NUDT3: variants seen among roughly 807,000 people sequenced by gnomAD.
NUDT3 encodes the protein diphosphoinositol polyphosphate phosphohydrolase 1.
In NUDT3, 9 loss-of-function variants were observed where a neutral mutation model predicts 23.6. The observed-to-expected ratio is 0.38, with a 90% CI of 0.23 to 0.66. NUDT3 has a LOEUF of 0.66. NUDT3 is among the 30% of genes least tolerant of loss of function. NUDT3 has a pLI of 0.52. For missense variants in NUDT3, 172 were observed against 218.5 expected, an observed-to-expected ratio of 0.79 and a Z score of 1.34; for synonymous variants, 86 against 82.6, an observed-to-expected ratio of 1.04 and a Z score of -0.22.
At chr6:34,376,629 C>T (rs916137999) in intron 1 of NUDT3, among the ~76,000 whole-genome samples, 1 of 152,118 alleles carries the variant, frequency 6.6e-6, no homozygotes, top group African/African-American at 2.4e-5. Flanking sequence ...CCTTTGATTA[C>T]AGTGTCACTT....
At chr6:34,341,823 T>G (rs755838045) in intron 2 of NUDT3, 39 bp downstream of exon 2, 2 of 1,579,898 alleles carry the variant, frequency 1.3e-6, no homozygotes. Context: ...AGGTTCATGA[T>G]GACGAGGCAC....
At chr6:34,316,903 C>T (rs1763870021) in intron 2 of NUDT3, among the ~76,000 whole-genome samples, 1 of 152,118 alleles carries the variant, frequency 6.6e-6, no homozygotes, top group African/African-American at 2.4e-5. Flanking sequence ...ATAATTTTGC[C>T]TACTGTGTTG....
chr6:34,368,358 G>C (rs1178601422), intron 1 of NUDT3, among the ~76,000 whole-genome samples: 1 of 152,268 alleles, frequency 6.6e-6, no homozygotes. Context: ...TTACAAGCTT[G>C]AGAAGGGACC....
At chr6:34,366,158 G>GCCT (rs1561920052) in intron 1 of NUDT3, among the ~76,000 whole-genome samples, 1 of 151,054 alleles carries the variant, frequency 6.6e-6, no homozygotes, top group East Asian at 1.9e-4. Flanking sequence ...CTTGAGCCCA[G>GCCT]GAGTTCAAAA....
chr6:34,329,383 C>A (rs1764092053), intron 2 of NUDT3, among the ~76,000 whole-genome samples: 2 of 152,136 alleles, frequency 1.3e-5, no homozygotes, highest in African/African-American at 4.8e-5. Context: ...CGGGTTCAAG[C>A]GATTCTCCTG....
intron 2 of NUDT3, among the ~76,000 whole-genome samples, chr6:34,317,830 T>G (rs1260060948): frequency 6.6e-6 from 1 of 152,222 alleles, no homozygotes; most frequent in Non-Finnish European, 1.5e-5. Flanking sequence ...TGATAGTTCT[T>G]CATGGATTAC....
In NUDT3 at chr6:34,290,687, C is replaced by CT. The variant is rs1282705613; in HGVS notation, c.341-1757dup. Among the ~76,000 whole-genome samples the CT allele has an allele frequency of 2.4e-3, 356 of 147,386 alleles. 2 individuals carry two copies. The highest frequency in any genetic ancestry group is 6.6e-3 in the African/African-American group (261 of 39,694). On this transcript the variant is annotated intron_variant, in intron 4 of 4. Coordinates refer to ENST00000607016, the MANE Select transcript of NUDT3 (RefSeq NM_006703.4). ...AGTCTGGACAACAGAGTGAGACTGT[C>CT]TTTTTTTTTAAGACATTTATGGCTG...
At chr6:34,323,302 G>C (rs1763973954) in intron 2 of NUDT3, among the ~76,000 whole-genome samples, 1 of 152,140 alleles carries the variant, frequency 6.6e-6, no homozygotes, top group Non-Finnish European at 1.5e-5. Context: ...GCTGGGCACA[G>C]TGGCCCATAA....
At chr6:34,331,769 C>T (rs1053205277) in intron 2 of NUDT3, among the ~76,000 whole-genome samples, 4 of 152,144 alleles carry the variant, frequency 2.6e-5, no homozygotes, top group African/African-American at 4.8e-5. Context: ...GACTTTGTTC[C>T]CTTGTATTTC....
intron 1 of NUDT3, among the ~76,000 whole-genome samples, chr6:34,358,093 C>A (rs1288211173): frequency 6.6e-6 from 1 of 152,160 alleles, no homozygotes; most frequent in African/African-American, 2.4e-5. Flanking sequence ...TTTGCCAATT[C>A]ATGATCCAGC....
chr6:34,390,913 G>A (rs1765187602), intron 1 of NUDT3, among the ~76,000 whole-genome samples: 1 of 152,132 alleles, frequency 6.6e-6, no homozygotes, highest in Non-Finnish European at 1.5e-5. Context: ...TTCCAAAACA[G>A]TATATAATTT....
At chr6:34,391,576 T>G (rs1765199367) in intron 1 of NUDT3, among the ~76,000 whole-genome samples, 2 of 152,226 alleles carry the variant, frequency 1.3e-5, no homozygotes, top group South Asian at 4.1e-4. Context: ...GGCAAAAATG[T>G]TAAATACCGC....
At chr6:34,309,738 A>G (rs1421689569) in intron 2 of NUDT3, among the ~76,000 whole-genome samples, 5 of 152,148 alleles carry the variant, frequency 3.3e-5, no homozygotes, top group Admixed American at 2.0e-4. Context: ...AATTACTAAT[A>G]TTAGACATGA....
chr6:34,379,368 T>C (rs923183077), intron 1 of NUDT3, among the ~76,000 whole-genome samples: 4 of 151,712 alleles, frequency 2.6e-5, no homozygotes, highest in African/African-American at 4.8e-5. Flanking sequence ...GAAACCAGCC[T>C]GGCCAACATG....
At chr6:34,330,428 G>A (rs1379006827) in intron 2 of NUDT3, among the ~76,000 whole-genome samples, 1 of 152,150 alleles carries the variant, frequency 6.6e-6, no homozygotes, top group Non-Finnish European at 1.5e-5. Flanking sequence ...TCATGTGTCT[G>A]TTGGCTGCGT....
chr6:34,386,144 G>A (rs1350231111), intron 1 of NUDT3, among the ~76,000 whole-genome samples: 1 of 152,344 alleles, frequency 6.6e-6, no homozygotes. Flanking sequence ...CCAGCAGCCT[G>A]CTGTGTAACA....
At chr6:34,355,047 G>A (rs1764541578) in intron 1 of NUDT3, among the ~76,000 whole-genome samples, 1 of 151,784 alleles carries the variant, frequency 6.6e-6, no homozygotes, top group African/African-American at 2.4e-5. Context: ...GAACTGGCTG[G>A]GGCTTCCAGA....
At position 34,282,640 on chromosome 6, in the gene NUDT3, G is replaced by C. The variant is rs779859901; in HGVS notation, c.*6113C>G. On this transcript the variant is annotated 3_prime_UTR_variant, in exon 5 of 5. Transcript: ENST00000607016. ...ATGTTCTCTGAAACAGTGATTAATAGAATCTTCACATCTGGCCTGGCTGGG... is the reference window on the plus strand; with the variant it reads ...ATGTTCTCTGAAACAGTGATTAATACAATCTTCACATCTGGCCTGGCTGGG... 1 of 152,136 alleles carries C rather than the reference G, an allele frequency of 6.6e-6. No homozygotes were observed. The highest frequency in any genetic ancestry group is 1.5e-5 in the Non-Finnish European group (1 of 68,016). 9.4% of individuals were successfully genotyped at this position (152,136 alleles called of 1,614,324 possible). A position where few individuals can be genotyped will look rare whatever the true frequency, so the allele number is the denominator to read the frequency against.
At chr6:34,366,904 A>AT (rs1297649307) in intron 1 of NUDT3, among the ~76,000 whole-genome samples, 2 of 150,082 alleles carry the variant, frequency 1.3e-5, no homozygotes, top group Non-Finnish European at 3.0e-5. Context: ...TTAAAAAAAA[A>AT]TTTTTTTTGA....
Sources: gnomAD v4.1 joint callset for allele counts (sites outside exome capture counted in the v4.1 genomes callset) on GRCh38, gnomAD v4.1.1 for gene constraint, MANE v1.5 for transcripts, NCBI Gene and HGNC (gene_info 2026-07-23, HGNC 2026-07-21) for gene names.